Variants in PCDHGA7 observed in about 807,000 individuals in gnomAD.
The protein encoded by PCDHGA7 is protocadherin gamma subfamily A, 7.
PCDHGA7 carries 44 observed loss-of-function variants against 58.3 expected under a neutral mutation model. That is an observed-to-expected ratio of 0.75 (90% CI 0.59 to 0.97). The LOEUF is 0.97. Among genes scored for constraint, PCDHGA7 ranks in the 50% least tolerant of loss-of-function variants. The pLI, the probability that PCDHGA7 is intolerant of heterozygous loss-of-function variation, is 0.00. For synonymous variants in PCDHGA7, 516 were observed against 504.2 expected (o/e 1.02, Z -0.31); for missense variants, 1,266 against 1,188.7 (o/e 1.06, Z -0.96).
chr5:141,438,627 TATATATATACACACAC>T (rs1396288881), intron 1 of PCDHGA7, among the ~76,000 whole-genome samples: 69 of 48,002 alleles, frequency 1.4e-3, no homozygotes, highest in Admixed American at 2.8e-3. Flanking sequence ...TATATATATA[TATATATATACACACAC>T]ACACACACAT....
At position 141,502,499 on chromosome 5, in the gene PCDHGA7, C is replaced by T. The variant is rs552402476; in HGVS notation, c.2484-2894C>T. ...CATCACACTGGGACTCATCTAACGT[C>T]GGCCTGTCCCACTATCAGTGATGCC... On this transcript the variant is annotated intron_variant, in intron 2 of 3. Coordinates refer to ENST00000518325, the MANE Select transcript of PCDHGA7 (RefSeq NM_018920.4). Among the ~76,000 whole-genome samples, 24 of 152,240 alleles carry T rather than the reference C, an allele frequency of 1.6e-4. No homozygotes were observed. In the East Asian group the frequency reaches 4.1e-3, roughly 26 times the overall value.
chr5:141,433,359 C>CTATCTATCTATA, intron 1 of PCDHGA7: 1 of 228,708 alleles, frequency 4.4e-6, no homozygotes, highest in South Asian at 4.1e-5. Context: ...TACTGTCTGC[C>CTATCTATCTATA]TATCTATCTA....
In PCDHGA7 at chr5:141,383,051, A is replaced by T; in HGVS notation, c.152A>T (p.Asp51Val). ...TCCTTTGTGGGAGACATCGCCAAGG[A>T]CCTGGGGCTGGAGCCCCGGGAGCTG... ...KGSFVGDIAK[D>V]LGLEPRELAE... Residue 51 changes from aspartate (D) to valine (V), a missense_variant, in exon 1 of 4, where the codon GAC becomes GTC. By Grantham distance (152) the Asp-to-Val change is radical (BLOSUM62 -3). Coordinates refer to ENST00000518325, the MANE Select transcript of PCDHGA7 (RefSeq NM_018920.4). 2 of 1,613,872 alleles carry T rather than the reference A, an allele frequency of 1.2e-6. No homozygotes were observed. The highest frequency in any genetic ancestry group is 1.7e-6 in the Non-Finnish European group (2 of 1,179,902).
In PCDHGA7 at chr5:141,431,465, AACG is replaced by A; in HGVS notation, c.2424+46145_2424+46147del. 1.9e-6 allele frequency: 3 copies of A among 1,613,790 alleles called. No homozygotes were observed. The highest frequency in any genetic ancestry group is 2.5e-6 in the Non-Finnish European group (3 of 1,179,970). ...CATCCGCGTGATGGTTCTGGATGCGAACGACAACGCACCAGCGTTTGCTCAGCC... is the reference window on the plus strand; with the variant it reads ...CATCCGCGTGATGGTTCTGGATGCGAACAACGCACCAGCGTTTGCTCAGCC... On this transcript the variant is annotated intron_variant, in intron 1 of 3. Transcript: ENST00000518325. The surrounding 1 kb of genome is among the most constrained non-coding windows in gnomAD (Gnocchi z 4.8).
intron 1 of PCDHGA7, among the ~76,000 whole-genome samples, chr5:141,436,522 C>T (rs933890051): frequency 3.9e-5 from 6 of 152,088 alleles, no homozygotes; most frequent in African/African-American, 1.4e-4. Context: ...ACTGTGTCAC[C>T]TTTAGCAAGT....
chr5:141,419,842 C>A, intron 1 of PCDHGA7: 1 of 1,614,074 alleles, frequency 6.2e-7, no homozygotes, highest in South Asian at 1.1e-5. Flanking sequence ...CCACGCTGCA[C>A]CTGGTGTTCG....
At chr5:141,404,186 C>G in intron 1 of PCDHGA7, 1 of 1,613,086 alleles carries the variant, frequency 6.2e-7, no homozygotes, top group Non-Finnish European at 8.5e-7. Flanking sequence ...AATTCTTGAC[C>G]GAGAAAAAGC....
At chr5:141,400,819 C>A (rs1316119038) in intron 1 of PCDHGA7, among the ~76,000 whole-genome samples, 1 of 152,132 alleles carries the variant, frequency 6.6e-6, no homozygotes, top group African/African-American at 2.4e-5. Flanking sequence ...TTTACCTATT[C>A]GTTGTCTCAT....
rs777924092 is a variant in PCDHGA7 at position 141,487,482 on chromosome 5, A to T, written c.2425-7325A>T. The T allele has an allele frequency of 1.2e-6, 2 of 1,614,164 alleles. No individual in the cohort carries two copies. Among genetic ancestry groups the T allele is most frequent in the South Asian group, 2.2e-5 (2 of 91,086 alleles). ...TTTGTTGATGTGGGAGGCCACTCTCATGGCTGTACACCCTTGGCTTCTGCA... is the reference window on the plus strand; with the variant it reads ...TTTGTTGATGTGGGAGGCCACTCTCTTGGCTGTACACCCTTGGCTTCTGCA... On this transcript the variant is annotated intron_variant, in intron 1 of 3. Coordinates refer to ENST00000518325, the MANE Select transcript of PCDHGA7 (RefSeq NM_018920.4). The surrounding 1 kb of genome is among the most constrained non-coding windows in gnomAD (Gnocchi z 5.0).
Position 141,487,522 on chromosome 5 carries a change from T to G in PCDHGA7, c.2425-7285T>G, listed in dbSNP as rs764726787. Reference sequence around the variant, plus strand: ...TGGCTTCTGCACCCACTCGGAGTGATAGCTTCATGATGGTGAAGTCACCCA... The same window carrying G: ...TGGCTTCTGCACCCACTCGGAGTGAGAGCTTCATGATGGTGAAGTCACCCA... On this transcript the variant is annotated intron_variant, in intron 1 of 3. Transcript: ENST00000518325. This position sits in a 1 kb window ranked among gnomAD's most constrained non-coding sequence, Gnocchi z 5.0. The G allele has an allele frequency of 6.2e-7, 1 of 1,614,166 alleles. No individual in the cohort carries two copies. The highest frequency in any genetic ancestry group is 8.5e-7 in the Non-Finnish European group (1 of 1,180,022).
At position 141,489,635 on chromosome 5, in the gene PCDHGA7, G is replaced by A. The variant is rs1380466520; in HGVS notation, c.2425-5172G>A. On this transcript the variant is annotated intron_variant, in intron 1 of 3. Coordinates refer to ENST00000518325, the MANE Select transcript of PCDHGA7 (RefSeq NM_018920.4). The surrounding 1 kb of genome is among the most constrained non-coding windows in gnomAD (Gnocchi z 4.5). Reference sequence around the variant, plus strand: ...CTGGATCTCAATGACAACTCTCCTAGCTTTGCCACCCCTGAGCGAGAGATG... The same window carrying A: ...CTGGATCTCAATGACAACTCTCCTAACTTTGCCACCCCTGAGCGAGAGATG... 6.2e-7 allele frequency: 1 copy of A among 1,614,142 alleles called. No individual in the cohort carries two copies. The highest frequency in any genetic ancestry group is 8.5e-7 in the Non-Finnish European group (1 of 1,180,012).
At chr5:141,484,075 C>G (rs1397285710) in intron 1 of PCDHGA7, among the ~76,000 whole-genome samples, 2 of 152,084 alleles carry the variant, frequency 1.3e-5, no homozygotes, top group African/African-American at 4.8e-5. Context: ...AAAGCTTGCT[C>G]TTTTGAAATG....
chr5:141,389,429 G>A (rs201662463), intron 1 of PCDHGA7: 149 of 1,610,654 alleles, frequency 9.3e-5, no homozygotes, highest in Non-Finnish European at 8.6e-5. Context: ...TGTTCGCGCA[G>A]CGCGCCTTCG....
At chr5:141,468,960 T>TC (rs1562019766) in intron 1 of PCDHGA7, among the ~76,000 whole-genome samples, 1 of 151,348 alleles carries the variant, frequency 6.6e-6, no homozygotes, top group African/African-American at 2.4e-5. Flanking sequence ...TGGTTTTTTT[T>TC]ACCTTAGGCT....
rs759899934 is a variant in PCDHGA7, at chr5:141,421,255, C to G, written c.2424+35932C>G. The stretch of plus-strand genomic sequence containing the variant: ...GGCGAATCGGCTACAGCGCGGGGAC[C>G]GCAGTCGGCTGCTGCTGCTGCTGTG... On this transcript the variant is annotated intron_variant, in intron 1 of 3. Coordinates refer to ENST00000518325, the MANE Select transcript of PCDHGA7 (RefSeq NM_018920.4). The G allele has an allele frequency of 6.0e-5, 97 of 1,607,644 alleles. No individual in the cohort carries two copies. Among genetic ancestry groups the G allele is most frequent in the Middle Eastern group, 3.3e-4 (2 of 6,058 alleles).
rs776079289 is a variant in PCDHGA7 at position 141,423,264 on chromosome 5, CGAGTCTCT to C, written c.2424+37943_2424+37950del. The C allele has an allele frequency of 9.8e-5, 158 of 1,613,986 alleles. 1 individual carries two copies. The African/African-American group carries it at 1.9e-3, about 20-fold the overall frequency. ...AAGTCCTGGCGGACCTCGGCAGCCT[CGAGTCTCT>C]GGCTAACTCTGAAACCTCAGACCTC... On this transcript the variant is annotated intron_variant, in intron 1 of 3. Transcript: ENST00000518325.
chr5:141,383,184 C>A lies in PCDHGA7; in HGVS notation c.285C>A (p.Ile95=). The A allele has an allele frequency of 6.2e-7, 1 of 1,614,082 alleles. No homozygotes were observed. Among genetic ancestry groups the A allele is most frequent in the East Asian group, 2.2e-5 (1 of 44,882 alleles). Residue 95 remains isoleucine (I), a synonymous_variant, in exon 1 of 4, where the codon ATC becomes ATA. Coordinates refer to ENST00000518325, the MANE Select transcript of PCDHGA7 (RefSeq NM_018920.4). ...VTAGRIDREE[I]CAQSARCLVN... ...CGGGCAGGATAGACCGGGAAGAGAT[C>A]TGCGCTCAGAGTGCGCGGTGTCTGG...
rs1399367534 is a variant in PCDHGA7 at position 141,487,098 on chromosome 5, A to G, written c.2425-7709A>G. 6.2e-7 allele frequency: 1 copy of G among 1,613,778 alleles called. No homozygotes were observed. The highest frequency in any genetic ancestry group is 8.5e-7 in the Non-Finnish European group (1 of 1,179,788). On this transcript the variant is annotated intron_variant, in intron 1 of 3. Transcript: ENST00000518325. The surrounding 1 kb of genome is among the most constrained non-coding windows in gnomAD (Gnocchi z 5.0). ...ATCCCAGCTGACCTCCCACCACAGA[A>G]GCTGGTCATTGTGGTAAAGGATAGT...
At chr5:141,421,767 C>T in intron 1 of PCDHGA7, 2 of 1,613,906 alleles carry the variant, frequency 1.2e-6, no homozygotes, top group South Asian at 1.1e-5. Context: ...ATTACTTTTC[C>T]TTGCAACTGC....
Sources: allele counts gnomAD v4.1 joint callset (sites outside exome capture counted in the v4.1 genomes callset), GRCh38; gene constraint gnomAD v4.1.1; non-coding constraint Gnocchi (gnomAD v3.1); transcripts MANE v1.5; gene names NCBI Gene and HGNC (gene_info 2026-07-23, HGNC 2026-07-21).